The following ADORA1 variants were observed in gnomAD, a reference collection of about 807,000 sequenced individuals.
ADORA1 encodes adenosine A1 receptor.
In ADORA1, 6 loss-of-function variants were observed where a neutral mutation model predicts 19.9. That is an observed-to-expected ratio of 0.30 (90% CI 0.17 to 0.59). The LOEUF is 0.59. ADORA1 is among the 20% of genes least tolerant of loss of function. The probability of loss-of-function intolerance (pLI) is 0.87; values close to 1 mark genes in which losing one functional copy is unlikely to be tolerated. For synonymous variants in ADORA1, 194 were observed against 188.4 expected (o/e 1.03, Z -0.24); for missense variants, 302 against 439.2 (o/e 0.69, Z 2.79).
intron 3 of ADORA1, among the ~76,000 whole-genome samples, chr1:203,148,899 C>T (rs1204833117): frequency 2.0e-5 from 3 of 151,360 alleles, no homozygotes; most frequent in Non-Finnish European, 4.4e-5. Context: ...TTTTTTTAGA[C>T]GGAGTTTTTG....
chr1:203,145,407 T>TAAC (rs1654828174), intron 3 of ADORA1, among the ~76,000 whole-genome samples: 1 of 152,144 alleles, frequency 6.6e-6, no homozygotes, highest in Non-Finnish European at 1.5e-5. Context: ...GCACCCTTGT[T>TAAC]AGTAAATGGG....
At chr1:203,162,037 G>A (rs1396794134) in intron 3 of ADORA1, among the ~76,000 whole-genome samples, 1 of 152,170 alleles carries the variant, frequency 6.6e-6, no homozygotes, top group Admixed American at 6.5e-5. Flanking sequence ...CACAGCCCTC[G>A]GGGATGCTGT....
intron 3 of ADORA1, among the ~76,000 whole-genome samples, chr1:203,151,117 C>T (rs1253278160): frequency 6.6e-6 from 1 of 152,186 alleles, no homozygotes; most frequent in Non-Finnish European, 1.5e-5. Flanking sequence ...TGCCCTGTAC[C>T]CTGCAAGCGT....
rs1654232960 is a variant in ADORA1 at position 203,128,681 on chromosome 1, T to G, written c.-57-104T>G. 2 of 1,347,084 alleles carry G rather than the reference T, an allele frequency of 1.5e-6. No homozygotes were observed. The highest frequency in any genetic ancestry group is 5.4e-5 in the Admixed American group (2 of 37,164). The allele number at this position is 1,347,084 out of a possible 1,614,324, so 83.4% of individuals were successfully genotyped here. On this transcript the variant is annotated intron_variant, in intron 2 of 3. Coordinates refer to ENST00000337894, the MANE Select transcript of ADORA1 (RefSeq NM_000674.3). This position sits in a 1 kb window ranked among gnomAD's most constrained non-coding sequence, Gnocchi z 5.9. ...CTCCAGCCTGGGTAGGAGCTGCATG[T>G]GACAAGTGGGACACATCACAGGGTA...
In ADORA1 at chr1:203,165,401, G is replaced by A. The variant is rs769365702; in HGVS notation, c.482G>A (p.Ser161Asn). The A allele has an allele frequency of 1.2e-6, 2 of 1,611,114 alleles. No individual in the cohort carries two copies. The highest frequency in any genetic ancestry group is 4.5e-5 in the East Asian group (2 of 44,886). Residue 161 changes from serine to asparagine, a missense_variant, in exon 4 of 4, where the codon AGC becomes AAC. Transcript: ENST00000337894. This position sits in a 1 kb window ranked among gnomAD's most constrained non-coding sequence, Gnocchi z 5.9. ...AVERAWAANG[S>N]MGEPVIKCEF... ...GAGCGGGCCTGGGCAGCCAACGGCA[G>A]CATGGGGGAGCCCGTGATCAAGTGC...
At chr1:203,162,126 CCT>C (rs1469633281) in intron 3 of ADORA1, among the ~76,000 whole-genome samples, 1 of 152,222 alleles carries the variant, frequency 6.6e-6, no homozygotes, top group Non-Finnish European at 1.5e-5. Context: ...GGACTTGCAG[CCT>C]CTGTTTCCTT....
At chr1:203,150,008 A>G (rs571890226) in intron 3 of ADORA1, 54 of 152,440 alleles carry the variant, frequency 3.5e-4, no homozygotes, top group African/African-American at 1.3e-3. Flanking sequence ...GATGATTTTG[A>G]ACCAGACTTC....
chr1:203,131,271 C>T (rs1654323600), intron 3 of ADORA1, among the ~76,000 whole-genome samples: 1 of 152,212 alleles, frequency 6.6e-6, no homozygotes, highest in Admixed American at 6.5e-5. Flanking sequence ...AACACGCACA[C>T]AAACACATAC....
intron 3 of ADORA1, among the ~76,000 whole-genome samples, chr1:203,145,795 G>A (rs6413919): frequency 0.95 from 144,576 of 152,250 alleles, 68,794 homozygotes; most frequent in Non-Finnish European, 0.98. Flanking sequence ...GGGAGGGAGG[G>A]GGATGGATGG....
chr1:203,149,009 C>G (rs1284650649), intron 3 of ADORA1, among the ~76,000 whole-genome samples: 1 of 152,160 alleles, frequency 6.6e-6, no homozygotes, highest in Non-Finnish European at 1.5e-5. Flanking sequence ...TCCTGAGTAG[C>G]TGGGACTACA....
At chr1:203,144,468 A>G (rs1654799573) in intron 3 of ADORA1, among the ~76,000 whole-genome samples, 1 of 152,232 alleles carries the variant, frequency 6.6e-6, no homozygotes, top group South Asian at 2.1e-4. Context: ...CAATTTTATG[A>G]AGAGGTCCTA....
intron 3 of ADORA1, among the ~76,000 whole-genome samples, chr1:203,132,832 G>A (rs554113204): frequency 1.3e-5 from 2 of 152,186 alleles, no homozygotes; most frequent in Admixed American, 6.5e-5. Flanking sequence ...GGGCAACAGA[G>A]CAAGACTCTG....
chr1:203,148,431 CATCTTATGGATGAGGAACCTA>C (rs1352165155), intron 3 of ADORA1, among the ~76,000 whole-genome samples: 1 of 152,208 alleles, frequency 6.6e-6, no homozygotes, highest in Non-Finnish European at 1.5e-5. Flanking sequence ...CAATCGGCTC[CATCTTATGGATGAGGAACCTA>C]ATGTTCTGAG....
chr1:203,159,710 G>C (rs1186959326), intron 3 of ADORA1, among the ~76,000 whole-genome samples: 1 of 152,190 alleles, frequency 6.6e-6, no homozygotes, highest in South Asian at 2.1e-4. Context: ...ATTTTCATGA[G>C]TCTGTTCTCT....
At chr1:203,147,231 C>A (rs756691297) in intron 3 of ADORA1, among the ~76,000 whole-genome samples, 7 of 152,142 alleles carry the variant, frequency 4.6e-5, no homozygotes, top group Non-Finnish European at 8.8e-5. Context: ...AGTGCTCTGC[C>A]AGGGGTGTTG....
intron 3 of ADORA1, 68 bp downstream of exon 3, chr1:203,129,250 G>GA (rs995268313): frequency 8.0e-5 from 122 of 1,533,488 alleles, no homozygotes; most frequent in Non-Finnish European, 1.1e-4. Context: ...ATCTAGAAAG[G>GA]AAAAAAGGTA....
In ADORA1 at chr1:203,141,993, G is replaced by A. The variant is rs185886867; in HGVS notation, c.341+12811G>A. On this transcript the variant is annotated intron_variant, in intron 3 of 3. Coordinates refer to ENST00000337894, the MANE Select transcript of ADORA1 (RefSeq NM_000674.3). ...TAAGAGCAGTCTCCCCAGGCAGTCA[G>A]ACTGGAGTAAAAATCCTAGTTCAGG... Among the ~76,000 whole-genome samples, 91 of 152,326 alleles carry A rather than the reference G, an allele frequency of 6.0e-4. No homozygotes were observed. The East Asian group carries it at 0.014, about 24-fold the overall frequency.
intron 3 of ADORA1, chr1:203,129,510 A>C: frequency 2.9e-6 from 1 of 346,068 alleles, no homozygotes; most frequent in Non-Finnish European, 5.3e-6. Context: ...ATGGGGTCAC[A>C]GTGAGTGCTG....
intron 3 of ADORA1, among the ~76,000 whole-genome samples, chr1:203,137,682 T>A (rs1227852187): frequency 6.6e-6 from 1 of 152,146 alleles, no homozygotes; most frequent in Admixed American, 6.6e-5. Flanking sequence ...AAAGTAAAAA[T>A]TTTATCCAGT....
Sources: gnomAD v4.1 joint callset for allele counts (sites outside exome capture counted in the v4.1 genomes callset) on GRCh38, gnomAD v4.1.1 for gene constraint, Gnocchi (gnomAD v3.1) non-coding constraint, MANE v1.5 for transcripts, NCBI Gene and HGNC (gene_info 2026-07-23, HGNC 2026-07-21) for gene names.